CDH13: variants seen among roughly 807,000 people sequenced by gnomAD.
CDH13 encodes cadherin-13.
CDH13 carries 24 observed loss-of-function variants against 63.8 expected under a neutral mutation model. The observed-to-expected ratio is 0.38, with a 90% CI of 0.27 to 0.53. The LOEUF is 0.53. Ranked by LOEUF, CDH13 falls within the 20% of genes least tolerant of loss-of-function variation. The pLI, the probability that CDH13 is intolerant of heterozygous loss-of-function variation, is 0.85. For synonymous variants in CDH13, 503 were observed against 355.3 expected (o/e 1.42, Z -4.67); for missense variants, 1,049 against 903.1 (o/e 1.16, Z -2.07).
intron 5 of CDH13, among the ~76,000 whole-genome samples, chr16:83,331,919 G>C (rs1394847278): frequency 2.0e-5 from 3 of 152,004 alleles, no homozygotes. Context: ...TATACATGTT[G>C]CTACACACAT....
chr16:83,031,392 A>T (rs1183124747), intron 2 of CDH13, among the ~76,000 whole-genome samples: 1 of 144,128 alleles, frequency 6.9e-6, no homozygotes, highest in Non-Finnish European at 1.5e-5. Flanking sequence ...GTATATGTAT[A>T]TACATATACA....
At chr16:83,407,416 C>T (rs1597949576) in intron 6 of CDH13, among the ~76,000 whole-genome samples, 1 of 152,150 alleles carries the variant, frequency 6.6e-6, no homozygotes, top group Non-Finnish European at 1.5e-5. Context: ...TCATCTTAGC[C>T]CCTGAACTTA....
chr16:83,742,599 A>T (rs1226546804), intron 10 of CDH13, among the ~76,000 whole-genome samples: 1 of 152,182 alleles, frequency 6.6e-6, no homozygotes, highest in African/African-American at 2.4e-5. Context: ...AATGTCAGAA[A>T]TTTACATAGC....
intron 1 of CDH13, among the ~76,000 whole-genome samples, chr16:82,758,425 T>C (rs1479527457): frequency 5.2e-5 from 1 of 19,344 alleles, no homozygotes; most frequent in Non-Finnish European, 1.2e-4. Context: ...AGACTGTTGA[T>C]ACCCCCCCCC....
chr16:82,711,430 A>G (rs187848573), intron 1 of CDH13, among the ~76,000 whole-genome samples: 1 of 152,330 alleles, frequency 6.6e-6, no homozygotes, highest in Non-Finnish European at 1.5e-5. Context: ...AACACAGTGA[A>G]GTAAACAGCT....
intron 2 of CDH13, among the ~76,000 whole-genome samples, chr16:82,933,778 G>A (rs144239447): frequency 0.011 from 1,626 of 152,252 alleles, 19 homozygotes; most frequent in African/African-American, 0.037. Context: ...TACAGGATCC[G>A]GGCAAGTCTG....
At chr16:83,167,420 C>G (rs1009841644) in intron 4 of CDH13, among the ~76,000 whole-genome samples, 2 of 149,696 alleles carry the variant, frequency 1.3e-5, no homozygotes, top group African/African-American at 2.5e-5. Flanking sequence ...TCTCTTGAAC[C>G]TGGGAAGCGG....
At chr16:83,556,061 T>G (rs1010907316) in intron 7 of CDH13, among the ~76,000 whole-genome samples, 2 of 152,204 alleles carry the variant, frequency 1.3e-5, no homozygotes, top group South Asian at 2.1e-4. Flanking sequence ...TAATTTTAAA[T>G]GACTTTACAA....
chr16:83,097,333 A>T (rs1026228762), intron 3 of CDH13, among the ~76,000 whole-genome samples: 8 of 152,174 alleles, frequency 5.3e-5, no homozygotes, highest in Non-Finnish European at 7.4e-5. Flanking sequence ...TGTTCTTTGT[A>T]TTCCTTAAAA....
chr16:83,334,598 A>T (rs2151906450), intron 5 of CDH13, among the ~76,000 whole-genome samples: 1 of 151,590 alleles, frequency 6.6e-6, no homozygotes, highest in South Asian at 2.1e-4. Flanking sequence ...CTGGTCTCAA[A>T]CTCCTGGGTT....
intron 6 of CDH13, among the ~76,000 whole-genome samples, chr16:83,420,202 G>T (rs1049926032): frequency 6.6e-6 from 1 of 152,092 alleles, no homozygotes; most frequent in Non-Finnish European, 1.5e-5. Context: ...GAACTAAATC[G>T]AGCTGTCACA....
Position 83,743,765 on chromosome 16 carries a change from TTTC to T in CDH13, c.1539-4340_1539-4338del, listed in dbSNP as rs1449783654. Among the ~76,000 whole-genome samples, 44 of 135,632 alleles carry T rather than the reference TTTC, an allele frequency of 3.2e-4. 2 individuals are homozygous for T. The highest frequency in any genetic ancestry group is 5.0e-4 in the African/African-American group (18 of 35,784). The allele number at this position is 135,632 out of a possible 152,430, so 89.0% of individuals were successfully genotyped here. ...TCTTTTTTCTTTTTTTTTTTTTTTTTTTCTTTGCTTTTTCCATCCCCATGATTG... is the reference window on the plus strand; with the variant it reads ...TCTTTTTTCTTTTTTTTTTTTTTTTTTTTGCTTTTTCCATCCCCATGATTG... On this transcript the variant is annotated intron_variant, in intron 10 of 13. Transcript: ENST00000567109.
intron 6 of CDH13, among the ~76,000 whole-genome samples, chr16:83,444,092 G>C: frequency 6.9e-6 from 1 of 145,086 alleles, no homozygotes. Flanking sequence ...GATGACAATA[G>C]TGAGGTTGAT....
At chr16:82,841,158 C>A (rs2151132001) in intron 1 of CDH13, among the ~76,000 whole-genome samples, 1 of 152,304 alleles carries the variant, frequency 6.6e-6, no homozygotes, top group East Asian at 1.9e-4. Flanking sequence ...CCCTGTTTGA[C>A]TCCAAGCTCA....
intron 4 of CDH13, chr16:83,181,137 C>G: frequency 3.4e-6 from 3 of 877,828 alleles, no homozygotes; most frequent in South Asian, 1.9e-5. Flanking sequence ...AATGTGTAGA[C>G]AGAGAGTCAG....
At chr16:83,677,660 A>T (rs1417310473) in intron 9 of CDH13, among the ~76,000 whole-genome samples, 1 of 152,218 alleles carries the variant, frequency 6.6e-6, no homozygotes, top group Non-Finnish European at 1.5e-5. Context: ...AGTGAGAAAC[A>T]TTAAATATAA....
chr16:83,075,870 C>A (rs1348835416), intron 3 of CDH13, among the ~76,000 whole-genome samples: 1 of 152,152 alleles, frequency 6.6e-6, no homozygotes, highest in Non-Finnish European at 1.5e-5. Context: ...TTTGATACTG[C>A]ACATATTCAT....
intron 1 of CDH13, among the ~76,000 whole-genome samples, chr16:82,633,271 GA>G (rs1483904137): frequency 6.6e-6 from 1 of 152,232 alleles, no homozygotes; most frequent in Non-Finnish European, 1.5e-5. Context: ...GACATAACCA[GA>G]ACGTCACAAT....
intron 2 of CDH13, among the ~76,000 whole-genome samples, chr16:83,017,003 C>T (rs545357498): frequency 1.4e-4 from 21 of 152,114 alleles, no homozygotes; most frequent in Non-Finnish European, 2.8e-4. Context: ...AGGTGTTGAT[C>T]CGTAGGAACT....
Sources: gnomAD v4.1 joint callset for allele counts (sites outside exome capture counted in the v4.1 genomes callset) on GRCh38, gnomAD v4.1.1 for gene constraint, MANE v1.5 for transcripts, NCBI Gene and HGNC (gene_info 2026-07-23, HGNC 2026-07-21) for gene names.